The following UBR2 variants were observed in gnomAD, a reference collection of about 807,000 sequenced individuals.
UBR2 encodes E3 ubiquitin-protein ligase UBR2.
Under a neutral mutation model 247.9 loss-of-function variants are expected in UBR2, and 92 were observed. The observed-to-expected ratio is 0.37, with a 90% CI of 0.31 to 0.44. The LOEUF (loss-of-function observed/expected upper bound fraction) is 0.44, where lower values mean the gene tolerates loss of function less well. UBR2 is among the 20% of genes least tolerant of loss of function. The pLI, the probability that UBR2 is intolerant of heterozygous loss-of-function variation, is 1.00. For synonymous variants in UBR2, 672 were observed against 693.5 expected (o/e 0.97, Z 0.49); for missense variants, 1,613 against 2,112.6 (o/e 0.76, Z 4.64).
chr6:42,603,951 G>A (rs991750421), intron 5 of UBR2, among the ~76,000 whole-genome samples: 5 of 152,076 alleles, frequency 3.3e-5, no homozygotes, highest in Admixed American at 3.3e-4. Context: ...CATAGCTCTA[G>A]GACTGGTTTC....
intron 8 of UBR2, among the ~76,000 whole-genome samples, chr6:42,614,356 GTATA>G (rs1201296509): frequency 7.7e-6 from 1 of 130,520 alleles, no homozygotes; most frequent in Non-Finnish European, 1.6e-5. Flanking sequence ...ATGTATGTGT[GTATA>G]TATGTGTGTA....
rs1554251969 is a variant in UBR2 at position 42,619,453 on chromosome 6, A to ATTTTTTTTT, written c.1281+1950_1281+1958dup. 3.0e-3 allele frequency: 71 copies of ATTTTTTTTT among 23,832 alleles called. 7 individuals are homozygous for ATTTTTTTTT. The highest frequency in any genetic ancestry group is 0.018 in the East Asian group (11 of 608). The allele number at this position is 23,832 out of a possible 1,614,324, so 1.5% of individuals were successfully genotyped here. A position where few individuals can be genotyped will look rare whatever the true frequency, so the allele number is the denominator to read the frequency against. On this transcript the variant is annotated intron_variant, in intron 11 of 46. Transcript: ENST00000372901. ...TATATATATATATATATATATATAT[A>ATTTTTTTTT]TTTTTTTTTTTTAGTTCTCTATCTC...
chr6:42,645,678 T>G, intron 21 of UBR2, 88 bp downstream of exon 21: 4 of 1,357,612 alleles, frequency 2.9e-6, no homozygotes, highest in Non-Finnish European at 4.1e-6. Flanking sequence ...CTGTATACCT[T>G]TCTCACAATT....
chr6:42,663,376 A>C lies in UBR2; in HGVS notation c.3655A>C (p.Thr1219Pro), dbSNP rs1425242705. The change falls in exon 32 of 47, where the codon ACT becomes CCT. Residue 1219 changes from threonine to proline, a missense_variant. Thr to Pro is a conservative substitution (Grantham distance 38). Transcript: ENST00000372901. ...LCPLCECLSN[T>P]VIPLLLPPRN... is the part of the protein sequence containing the mutation. ...CCCCCTTTGTGAATGCTTGAGTAAT[A>C]CTGTTATTCCTCTGCTGCTTCCTCC... 5 of 1,613,150 alleles carry C rather than the reference A, an allele frequency of 3.1e-6. No homozygotes were observed. The highest frequency in any genetic ancestry group is 3.4e-6 in the Non-Finnish European group (4 of 1,179,716).
chr6:42,592,615 G>A, intron 3 of UBR2, among the ~76,000 whole-genome samples: 1 of 152,080 alleles, frequency 6.6e-6, no homozygotes, highest in Non-Finnish European at 1.5e-5. Context: ...CAAAATTCAG[G>A]TATGTTTGTT....
chr6:42,616,039 T>C lies in UBR2; in HGVS notation c.1131T>C (p.Ser377=), dbSNP rs1166583889. 2.6e-5 allele frequency: 42 copies of C among 1,606,390 alleles called. No homozygotes were observed. The highest frequency in any genetic ancestry group is 3.6e-5 in the Non-Finnish European group (42 of 1,178,304). The stretch of plus-strand genomic sequence containing the variant: ...TATATCATCAGTTGTTCATGAGCAG[T>C]CTGCTTATGGATTTGAAATACAAGA... ...RSVYHQLFMS[S]LLMDLKYKKL... Residue 377 remains serine, a synonymous_variant, in exon 10 of 47, where the codon AGT becomes AGC. Transcript: ENST00000372901.
chr6:42,662,150 C>T (rs1554261440), intron 30 of UBR2, 34 bp from the exon 31 acceptor site: 7 of 1,353,402 alleles, frequency 5.2e-6, no homozygotes, highest in African/African-American at 1.5e-5. Context: ...AAATGCTTCA[C>T]TTTTGTTTTG....
chr6:42,661,585 T>G (rs1033835545), intron 30 of UBR2, among the ~76,000 whole-genome samples: 2 of 152,254 alleles, frequency 1.3e-5, no homozygotes, highest in African/African-American at 2.4e-5. Context: ...TTCATGATTT[T>G]TCATCCCCTT....
chr6:42,630,802 A>T (rs758945193), intron 11 of UBR2, among the ~76,000 whole-genome samples: 1 of 151,646 alleles, frequency 6.6e-6, no homozygotes, highest in Non-Finnish European at 1.5e-5. Context: ...GTTTCTGCTT[A>T]TTTGGGGTTT....
chr6:42,678,392 A>G, intron 40 of UBR2, 147 bp from the exon 41 acceptor site: 1 of 776,632 alleles, frequency 1.3e-6, no homozygotes, highest in Non-Finnish European at 1.9e-6. Flanking sequence ...GGCATCCTAT[A>G]ATAACACACA....
chr6:42,576,018 C>G (rs1472384997), intron 2 of UBR2, among the ~76,000 whole-genome samples: 1 of 151,258 alleles, frequency 6.6e-6, no homozygotes, highest in Non-Finnish European at 1.5e-5. Flanking sequence ...TTTTCTTTTC[C>G]TTTCCTTTTC....
intron 30 of UBR2, among the ~76,000 whole-genome samples, chr6:42,660,971 T>TTTTG (rs750035164): frequency 4.4e-4 from 64 of 145,220 alleles, no homozygotes; most frequent in East Asian, 1.4e-3. Context: ...TGTGTGGTTT[T>TTTTG]TTTGTTTGTT....
chr6:42,671,458 C>G (rs1798437431), intron 36 of UBR2, among the ~76,000 whole-genome samples: 1 of 151,922 alleles, frequency 6.6e-6, no homozygotes, highest in African/African-American at 2.4e-5. Flanking sequence ...TATATTCTAG[C>G]TCCACTTTCT....
intron 11 of UBR2, chr6:42,620,136 C>A: frequency 1.7e-6 from 1 of 586,172 alleles, no homozygotes; most frequent in Non-Finnish European, 2.1e-6. Context: ...CTGTTAATAA[C>A]GTATGAAAGT....
chr6:42,676,831 C>G lies in UBR2; in HGVS notation c.4436C>G (p.Ala1479Gly). The change falls in exon 40 of 47, where the codon GCA (alanine) becomes GGA (glycine). Residue 1479 changes from alanine (A) to glycine (G), a missense_variant. Ala to Gly is a moderately conservative substitution (Grantham distance 60). This residue lies in a region of UBR2 where 1,524 missense variants were observed against 1,967.3 expected (regional missense o/e 0.77). Coordinates refer to ENST00000372901, the MANE Select transcript of UBR2 (RefSeq NM_001363705.2). The stretch of plus-strand genomic sequence containing the variant: ...AATCCCCCTTGTGAAGAAGAATCAG[C>G]AGTTCTTGCTTTGTATAAAACACTT... Reference protein sequence around the residue: ...QENPPCEEESAVLALYKTLHQ... With the variant: ...QENPPCEEESGVLALYKTLHQ... 1.9e-6 allele frequency: 3 copies of G among 1,613,972 alleles called. No homozygotes were observed. The highest frequency in any genetic ancestry group is 1.7e-5 in the Admixed American group (1 of 60,020).
In UBR2 at chr6:42,680,313, C is replaced by T. The variant is rs149433784; in HGVS notation, c.4718+481C>T. 5.1e-4 allele frequency among the ~76,000 whole-genome samples: 77 copies of T among 152,310 alleles called. 2 individuals carry two copies. In the East Asian group the frequency reaches 8.3e-3, roughly 16 times the overall value. On this transcript the variant is annotated intron_variant, in intron 42 of 46. Coordinates refer to ENST00000372901, the MANE Select transcript of UBR2 (RefSeq NM_001363705.2). The stretch of plus-strand genomic sequence containing the variant: ...TGAGTAGGCCTTTTTAGCTAAGGAT[C>T]TGGCTTTTCAGTAAACTTTTTGCCA...
At chr6:42,618,611 G>A (rs1298037918) in intron 11 of UBR2, among the ~76,000 whole-genome samples, 1 of 152,194 alleles carries the variant, frequency 6.6e-6, no homozygotes, top group Non-Finnish European at 1.5e-5. Flanking sequence ...AGAATTTTAA[G>A]TGGTATTTAC....
At chr6:42,565,264 T>C (rs148186426) in intron 1 of UBR2, among the ~76,000 whole-genome samples, 3 of 152,228 alleles carry the variant, frequency 2.0e-5, no homozygotes, top group Non-Finnish European at 4.4e-5. Flanking sequence ...TTAGAAGAGA[T>C]TGCCGAGAAT....
At chr6:42,605,959 T>A in intron 6 of UBR2, 100 bp downstream of exon 6, 1 of 1,081,286 alleles carries the variant, frequency 9.2e-7, no homozygotes, top group Non-Finnish European at 1.3e-6. Flanking sequence ...ATATCTAGGC[T>A]TTTCTTAAAA....
Sources: allele counts gnomAD v4.1 joint callset (sites outside exome capture counted in the v4.1 genomes callset), GRCh38; gene constraint gnomAD v4.1.1; regional missense constraint gnomAD v4.1.1; transcripts MANE v1.5; gene names NCBI Gene and HGNC (gene_info 2026-07-23, HGNC 2026-07-21).